The following ALS2CL variants were observed in gnomAD, a reference collection of about 807,000 sequenced individuals.
The protein encoded by ALS2CL is ALS2 C-terminal-like protein.
In ALS2CL, 112 loss-of-function variants were observed where a neutral mutation model predicts 127.9. That is an observed-to-expected ratio of 0.88 (90% CI 0.75 to 1.02). The LOEUF (loss-of-function observed/expected upper bound fraction) is 1.02, where lower values mean the gene tolerates loss of function less well. ALS2CL is among the 50% of genes least tolerant of loss of function. ALS2CL has a pLI of 0.00. For missense variants in ALS2CL, 1,174 were observed against 1,236.7 expected (o/e 0.95, Z 0.76); for synonymous variants, 519 against 527.6 (o/e 0.98, Z 0.22).
chr3:46,686,876 A>G lies in ALS2CL; in HGVS notation c.534+107T>C. 7.8e-7 allele frequency: 1 copy of G among 1,283,552 alleles called. No homozygotes were observed. Among genetic ancestry groups the G allele is most frequent in the Non-Finnish European group, 1.0e-6 (1 of 977,434 alleles). 79.5% of individuals were successfully genotyped at this position (1,283,552 alleles called of 1,614,324 possible). ...CCTCTCCCACCTGCCGGCATGGCTGAGTCCTTCTTGTACTAGGGTTCCTGA... is the reference window on the plus strand; with the variant it reads ...CCTCTCCCACCTGCCGGCATGGCTGGGTCCTTCTTGTACTAGGGTTCCTGA... On this transcript the variant is annotated intron_variant, in intron 5 of 25. Coordinates refer to ENST00000318962, the MANE Select transcript of ALS2CL (RefSeq NM_147129.5). This position sits in a 1 kb window ranked among gnomAD's most constrained non-coding sequence, Gnocchi z 4.3.
chr3:46,672,248 T>G (rs1423599340), intron 22 of ALS2CL, 47 bp from the exon 23 acceptor site: 1 of 1,607,714 alleles, frequency 6.2e-7, no homozygotes, highest in East Asian at 2.2e-5. Context: ...GCCCCCCAGC[T>G]CTGACATCCC....
At chr3:46,676,033 C>A in intron 19 of ALS2CL, 1 of 1,405,508 alleles carries the variant, frequency 7.1e-7, no homozygotes, top group South Asian at 1.5e-5. Flanking sequence ...CTGGTTGGGT[C>A]TTGGACTCTA....
In ALS2CL at chr3:46,681,338, C is replaced by G. The variant is rs374281426; in HGVS notation, c.1344G>C (p.Glu448Asp). The G allele has an allele frequency of 1.2e-6, 2 of 1,613,018 alleles. No individual in the cohort carries two copies. The highest frequency in any genetic ancestry group is 2.2e-5 in the South Asian group (2 of 91,022). The change falls in exon 13 of 26, where the codon GAG becomes GAC. Residue 448 changes from glutamate to aspartate, a missense_variant. Glu to Asp is a conservative substitution (Grantham distance 45, BLOSUM62 2). Transcript: ENST00000318962. This position sits in a 1 kb window ranked among gnomAD's most constrained non-coding sequence, Gnocchi z 4.9. ...EGLRHGFGVL[E>D]SGPQAPQPFR... ...AGGGCTGGGGGGCCTGCGGACCACTCTCAAGGACCCCAAATCCGTGCCGCA... is the reference window on the plus strand; with the variant it reads ...AGGGCTGGGGGGCCTGCGGACCACTGTCAAGGACCCCAAATCCGTGCCGCA...
chr3:46,671,538 C>A lies in ALS2CL; in HGVS notation c.2731G>T (p.Asp911Tyr). The change falls in exon 25 of 26, where the codon GAC becomes TAC. Residue 911 changes from aspartate (D) to tyrosine (Y), a missense_variant. By Grantham distance (160) the Asp-to-Tyr change is radical. Coordinates refer to ENST00000318962, the MANE Select transcript of ALS2CL (RefSeq NM_147129.5). The part of the protein sequence containing the change: ...AEIHLIRDMM[D>Y]PNHTGGLYDF... ...TACAGGCCTCCTGTGTGGTTGGGGT[C>A]CATCATGTCACGGATCAGGTGGATC... The A allele has an allele frequency of 6.2e-7, 1 of 1,614,030 alleles. No individual in the cohort carries two copies. Among genetic ancestry groups the A allele is most frequent in the Non-Finnish European group, 8.5e-7 (1 of 1,179,996 alleles).
rs1698925655 is a variant in ALS2CL at position 46,677,213 on chromosome 3, A to G, written c.1758-191T>C. 3.5e-6 allele frequency: 5 copies of G among 1,419,408 alleles called. No homozygotes were observed. The East Asian group carries it at 1.3e-4, about 36-fold the overall frequency. The allele number at this position is 1,419,408 out of a possible 1,614,324, so 87.9% of individuals were successfully genotyped here. On this transcript the variant is annotated intron_variant, in intron 16 of 25. Transcript: ENST00000318962. ...CTCCAGGAGGAAGAGCAGCAGAGAA[A>G]GGGACAGAGAATCTACCCTGCGACG...
chr3:46,688,157 G>T lies in ALS2CL; in HGVS notation c.243C>A (p.Thr81=), dbSNP rs781679558. 6.2e-7 allele frequency: 1 copy of T among 1,613,062 alleles called. No individual in the cohort carries two copies. Among genetic ancestry groups the T allele is most frequent in the Admixed American group, 1.7e-5 (1 of 60,014 alleles). Residue 81 remains threonine (T), a synonymous_variant, in exon 3 of 26, where the codon ACC becomes ACA. Transcript: ENST00000318962. Reference sequence around the variant, plus strand: ...GCAGCAGCAGCAGGGACTCCAGACCGGTGGAGTCCGGGTAACGCAGCCTCT... The same window carrying T: ...GCAGCAGCAGCAGGGACTCCAGACCTGTGGAGTCCGGGTAACGCAGCCTCT... ...LQERLRYPDS[T]GLESLLLLRG...
At position 46,688,238 on chromosome 3, in the gene ALS2CL, G is replaced by A. The variant is rs1559483833; in HGVS notation, c.162C>T (p.His54=). 3.7e-6 allele frequency: 6 copies of A among 1,612,876 alleles called. No homozygotes were observed. Among genetic ancestry groups the A allele is most frequent in the African/African-American group, 1.3e-5 (1 of 74,914 alleles). ...RECLRLLQQL[H]KSSQQLWEVT... ...CCTCCCAGAGTTGCTGGGAGCTCTTGTGCAGCTGTTGCAAGAGCCGCAGGC... is the reference window on the plus strand; with the variant it reads ...CCTCCCAGAGTTGCTGGGAGCTCTTATGCAGCTGTTGCAAGAGCCGCAGGC... Residue 54 remains histidine, a synonymous_variant, in exon 3 of 26, where the codon CAC becomes CAT. Transcript: ENST00000318962.
rs370604751 is a variant in ALS2CL at position 46,675,566 on chromosome 3, G to T, written c.2255+52C>A. ...CCCAAGGGAGGTCCTAGGAGCAGAC[G>T]CATGAGGCCTCCCTGGACACGGCAG... On this transcript the variant is annotated intron_variant, in intron 20 of 25. Coordinates refer to ENST00000318962, the MANE Select transcript of ALS2CL (RefSeq NM_147129.5). 10 of 1,561,128 alleles carry T rather than the reference G, an allele frequency of 6.4e-6. 1 individual carries two copies. In the Middle Eastern group the frequency reaches 1.0e-3, roughly 163 times the overall value.
rs535804004 is a variant in ALS2CL at position 46,685,377 on chromosome 3, C to T, written c.786+148G>A. On this transcript the variant is annotated intron_variant, in intron 7 of 25. Coordinates refer to ENST00000318962, the MANE Select transcript of ALS2CL (RefSeq NM_147129.5). Reference sequence around the variant, plus strand: ...CTGGGGACAGCTCCAGTGGACCGCCCCTCCCCAACACAACGCCTTTCTATC... The same window carrying T: ...CTGGGGACAGCTCCAGTGGACCGCCTCTCCCCAACACAACGCCTTTCTATC... The T allele has an allele frequency of 2.3e-4, 305 of 1,342,348 alleles. 2 individuals carry two copies. The South Asian group carries it at 4.1e-3, about 18-fold the overall frequency. 83.2% of individuals were successfully genotyped at this position (1,342,348 alleles called of 1,614,324 possible).
At chr3:46,673,061 G>T (rs1238127773) in intron 22 of ALS2CL, among the ~76,000 whole-genome samples, 2 of 152,068 alleles carry the variant, frequency 1.3e-5, no homozygotes, top group African/African-American at 4.8e-5. Context: ...TCTAGTGTTG[G>T]CTCCCTTTTA....
chr3:46,671,139 A>T, intron 25 of ALS2CL, 75 bp from the exon 26 acceptor site: 2 of 1,467,588 alleles, frequency 1.4e-6, no homozygotes, highest in Non-Finnish European at 1.9e-6. Context: ...CTAGGGCTCA[A>T]TAGCTGTGTG....
chr3:46,688,339 C>T (rs112038803), intron 2 of ALS2CL, 43 bp from the exon 3 acceptor site: 2 of 1,581,286 alleles, frequency 1.3e-6, no homozygotes, highest in Non-Finnish European at 1.7e-6. Flanking sequence ...AGGACGTGGG[C>T]TCCATCTCCC....
rs1440439199 is a variant in ALS2CL, at chr3:46,687,604, C to T, written c.368+15G>A. ...CCCACCCTGTCAGGGGCCAGTGCAC[C>T]AGCCCTGTGCTCACCTTCTCCTCTT... On this transcript the variant is annotated intron_variant, in intron 4 of 25. Coordinates refer to ENST00000318962, the MANE Select transcript of ALS2CL (RefSeq NM_147129.5). 3 of 1,612,144 alleles carry T rather than the reference C, an allele frequency of 1.9e-6. No individual in the cohort carries two copies. Among genetic ancestry groups the T allele is most frequent in the Non-Finnish European group, 2.5e-6 (3 of 1,179,260 alleles).
In ALS2CL at chr3:46,682,102, A is replaced by G. The variant is rs191448313; in HGVS notation, c.1110-8T>C. 2.0e-4 allele frequency: 321 copies of G among 1,613,682 alleles called. 1 individual carries two copies. The African/African-American group carries it at 3.8e-3, about 19-fold the overall frequency. On this transcript the variant is annotated splice_region_variant and splice_polypyrimidine_tract_variant and intron_variant, in intron 10 of 25. Transcript: ENST00000318962. Reference sequence around the variant, plus strand: ...GGCCATTTCAGGGTTCCCCTGGAACACAGTGGAGGTTCACGAGCCTCAGGC... The same window carrying G: ...GGCCATTTCAGGGTTCCCCTGGAACGCAGTGGAGGTTCACGAGCCTCAGGC...
At chr3:46,673,463 C>T in intron 21 of ALS2CL, 82 bp from the exon 22 acceptor site, 2 of 1,402,426 alleles carry the variant, frequency 1.4e-6, no homozygotes, top group Non-Finnish European at 2.0e-6. Flanking sequence ...CCCTATGCCA[C>T]TGTTTCCCCC....
At chr3:46,672,385 G>A (rs1308485422) in intron 22 of ALS2CL, among the ~76,000 whole-genome samples, 184 bp from the exon 23 acceptor site, 1 of 152,224 alleles carries the variant, frequency 6.6e-6, no homozygotes, top group Non-Finnish European at 1.5e-5. Context: ...CTCAGTTTGT[G>A]CAACCATAAA....
chr3:46,682,116 C>T (rs1435703767), intron 10 of ALS2CL, 22 bp from the exon 11 acceptor site: 19 of 1,612,412 alleles, frequency 1.2e-5, no homozygotes, highest in Admixed American at 3.3e-5. Context: ...TGGAGGTTCA[C>T]GAGCCTCAGG....
chr3:46,683,983 G>A lies in ALS2CL; in HGVS notation c.845+6C>T, dbSNP rs1417900472. 1 of 1,594,812 alleles carries A rather than the reference G, an allele frequency of 6.3e-7. No homozygotes were observed. The highest frequency in any genetic ancestry group is 8.5e-7 in the Non-Finnish European group (1 of 1,169,846). On this transcript the variant is annotated splice_donor_region_variant and intron_variant, in intron 8 of 25. Coordinates refer to ENST00000318962, the MANE Select transcript of ALS2CL (RefSeq NM_147129.5). ...GCCTGGGGTGTCAGCCGAGGGGGTTGCTCACCCGTCCTGCCCAGGATCCAC... is the reference window on the plus strand; with the variant it reads ...GCCTGGGGTGTCAGCCGAGGGGGTTACTCACCCGTCCTGCCCAGGATCCAC...
At chr3:46,690,981 C>T (rs1485860727) in intron 1 of ALS2CL, among the ~76,000 whole-genome samples, 1 of 152,238 alleles carries the variant, frequency 6.6e-6, no homozygotes, top group Non-Finnish European at 1.5e-5. Context: ...CCTGCTACTG[C>T]TGCTTCGAGA....
Sources: gnomAD v4.1 joint callset for allele counts (sites outside exome capture counted in the v4.1 genomes callset) on GRCh38, gnomAD v4.1.1 for gene constraint, Gnocchi (gnomAD v3.1) non-coding constraint, MANE v1.5 for transcripts, NCBI Gene and HGNC (gene_info 2026-07-23, HGNC 2026-07-21) for gene names.